Variants in PCDH7 observed in about 807,000 individuals in gnomAD.
PCDH7 encodes the protein protocadherin 7.
PCDH7 carries 17 observed loss-of-function variants against 58.9 expected under a neutral mutation model. The observed-to-expected ratio is 0.29, with a 90% confidence interval of 0.20 to 0.43. The LOEUF is 0.43. Ranked by LOEUF, PCDH7 falls within the 20% of genes least tolerant of loss-of-function variation. PCDH7 has a pLI of 1.00. For missense variants in PCDH7, 1,274 were observed against 1,441.0 expected, an observed-to-expected ratio of 0.88 and a Z score of 1.88; for synonymous variants, 664 against 616.4, an observed-to-expected ratio of 1.08 and a Z score of -1.14.
chr4:30,923,485 G>A (rs1440150965), intron 2 of PCDH7, among the ~76,000 whole-genome samples: 3 of 151,918 alleles, frequency 2.0e-5, no homozygotes, highest in Non-Finnish European at 2.9e-5. Flanking sequence ...CAAGCTTTAC[G>A]CTATATTCTA....
chr4:30,730,323 T>A (rs1292750067), intron 1 of PCDH7, among the ~76,000 whole-genome samples: 1 of 152,122 alleles, frequency 6.6e-6, no homozygotes, highest in Non-Finnish European at 1.5e-5. Context: ...ATAGAATCTT[T>A]TCTAAAGCAG....
chr4:30,871,954 G>T (rs2109362769), intron 1 of PCDH7, among the ~76,000 whole-genome samples: 1 of 152,074 alleles, frequency 6.6e-6, no homozygotes, highest in Non-Finnish European at 1.5e-5. Flanking sequence ...GTCCTTACAT[G>T]GTGTTTTCAT....
intron 3 of PCDH7, among the ~76,000 whole-genome samples, chr4:31,048,066 A>T (rs1041296608): frequency 2.0e-5 from 3 of 152,118 alleles, no homozygotes; most frequent in African/African-American, 4.8e-5. Context: ...TTGTTAGAAT[A>T]TTAGTTCCAT....
intron 3 of PCDH7, among the ~76,000 whole-genome samples, chr4:31,065,568 T>TA (rs937993236): frequency 6.6e-6 from 1 of 152,040 alleles, no homozygotes; most frequent in South Asian, 2.1e-4. Context: ...GTTAGAACTT[T>TA]AAAAAAATAA....
intron 3 of PCDH7, among the ~76,000 whole-genome samples, chr4:30,995,392 G>T (rs1242696693): frequency 6.6e-6 from 1 of 151,966 alleles, no homozygotes; most frequent in Non-Finnish European, 1.5e-5. Context: ...GGCGCCTGTA[G>T]TCCCAGCTAC....
At chr4:30,805,454 A>G (rs929630035) in intron 1 of PCDH7, among the ~76,000 whole-genome samples, 16 of 152,236 alleles carry the variant, frequency 1.1e-4, no homozygotes, top group Non-Finnish European at 1.8e-4. Flanking sequence ...GAGGATTAAG[A>G]AAGTAAAAGA....
intron 3 of PCDH7, among the ~76,000 whole-genome samples, chr4:31,062,349 T>G (rs975091679): frequency 2.6e-5 from 4 of 151,746 alleles, no homozygotes; most frequent in Admixed American, 2.0e-4. Context: ...AGAAATCAAG[T>G]AATACATAAA....
intron 3 of PCDH7, among the ~76,000 whole-genome samples, chr4:31,093,491 A>G (rs1010008005): frequency 6.6e-6 from 1 of 152,146 alleles, no homozygotes; most frequent in Non-Finnish European, 1.5e-5. Context: ...GTAGAATACC[A>G]TACAGAGCTA....
At chr4:31,054,944 T>C (rs1757029366) in intron 3 of PCDH7, among the ~76,000 whole-genome samples, 1 of 152,190 alleles carries the variant, frequency 6.6e-6, no homozygotes, top group African/African-American at 2.4e-5. Flanking sequence ...TCATCCCATT[T>C]CATGTTATTT....
At chr4:30,864,514 G>A (rs991044049) in intron 1 of PCDH7, among the ~76,000 whole-genome samples, 23 of 151,540 alleles carry the variant, frequency 1.5e-4, no homozygotes, top group African/African-American at 5.3e-4. Flanking sequence ...AGTGAAAATA[G>A]TGAAGTTTAA....
chr4:30,803,367 T>A (rs529771384), intron 1 of PCDH7, among the ~76,000 whole-genome samples: 1 of 152,288 alleles, frequency 6.6e-6, no homozygotes, highest in South Asian at 2.1e-4. Context: ...AGAATGGTGA[T>A]GATTTATAGA....
chr4:30,900,449 A>C (rs914418445), intron 1 of PCDH7, among the ~76,000 whole-genome samples: 12 of 152,170 alleles, frequency 7.9e-5, no homozygotes, highest in African/African-American at 2.7e-4. Context: ...TTTGAGATAA[A>C]ATTTATATTC....
chr4:30,753,783 G>C (rs1718890016), intron 1 of PCDH7, among the ~76,000 whole-genome samples: 1 of 152,144 alleles, frequency 6.6e-6, no homozygotes, highest in African/African-American at 2.4e-5. Context: ...AATTGTGATA[G>C]AGCCTTTTTT....
chr4:30,775,789 C>T (rs1018030319), intron 1 of PCDH7, among the ~76,000 whole-genome samples: 1 of 151,934 alleles, frequency 6.6e-6, no homozygotes, highest in Non-Finnish European at 1.5e-5. Flanking sequence ...CCCAGCTACT[C>T]GGGAGGCTGA....
chr4:30,923,668 A>G (rs1433833651), intron 2 of PCDH7, among the ~76,000 whole-genome samples: 1 of 152,156 alleles, frequency 6.6e-6, no homozygotes, highest in Non-Finnish European at 1.5e-5. Flanking sequence ...CTGGAAAGTA[A>G]CACTAGAAAT....
At chr4:31,073,104 A>T (rs1169838531) in intron 3 of PCDH7, among the ~76,000 whole-genome samples, 1 of 152,166 alleles carries the variant, frequency 6.6e-6, no homozygotes, top group Non-Finnish European at 1.5e-5. Flanking sequence ...TGAGATGAAC[A>T]GTCAAAGCAA....
At chr4:30,975,025 CTG>C (rs1749940403) in intron 3 of PCDH7, among the ~76,000 whole-genome samples, 1 of 152,124 alleles carries the variant, frequency 6.6e-6, no homozygotes, top group Non-Finnish European at 1.5e-5. Context: ...TGGCTTGTAA[CTG>C]TTTCCAACTG....
Position 31,017,528 on chromosome 4 carries a change from T to C in PCDH7, c.*7+67313T>C, listed in dbSNP as rs1438449343. 9.2e-5 allele frequency among the ~76,000 whole-genome samples: 14 copies of C among 152,246 alleles called. No homozygotes were observed. The South Asian group carries it at 2.9e-3, about 32-fold the overall frequency. ...CCAGAGTAGAAGAAATTAAGTAGAATAATCTTTTATTTAATAAAGTTTCTG... is the reference window on the plus strand; with the variant it reads ...CCAGAGTAGAAGAAATTAAGTAGAACAATCTTTTATTTAATAAAGTTTCTG... On this transcript the variant is annotated intron_variant, in intron 3 of 3. Transcript: ENST00000509759.
chr4:31,144,398 T>G (rs1257919729), downstream of PCDH7: 1 of 152,194 alleles, frequency 6.6e-6, no homozygotes, highest in East Asian at 1.9e-4. Flanking sequence ...AGCTACTCAC[T>G]CTATAGAGGA....
Sources: gnomAD v4.1 joint callset for allele counts (sites outside exome capture counted in the v4.1 genomes callset) on GRCh38, gnomAD v4.1.1 for gene constraint, MANE v1.5 for transcripts, NCBI Gene and HGNC (gene_info 2026-07-23, HGNC 2026-07-21) for gene names.